Variants in CDH13 observed in about 807,000 individuals in gnomAD.
CDH13 encodes the protein cadherin-13.
A neutral mutation model predicts 63.8 loss-of-function variants in CDH13; 24 were observed. That is an observed-to-expected ratio of 0.38 (90% CI 0.27 to 0.53). The LOEUF is 0.53. Ranked by LOEUF, CDH13 falls within the 20% of genes least tolerant of loss-of-function variation. The pLI, the probability that CDH13 is intolerant of heterozygous loss-of-function variation, is 0.85. For synonymous variants in CDH13, 503 were observed against 355.3 expected (o/e 1.42, Z -4.67); for missense variants, 1,049 against 903.1 (o/e 1.16, Z -2.07).
chr16:83,563,477 T>A (rs4238698), intron 7 of CDH13, among the ~76,000 whole-genome samples: 152,234 of 152,360 alleles, frequency 1, 76,054 homozygotes, highest in Non-Finnish European at 1. Flanking sequence ...TGCATTAATT[T>A]GGTTTGAGAT....
intron 10 of CDH13, among the ~76,000 whole-genome samples, chr16:83,682,804 A>C (rs567145548): frequency 3.3e-5 from 5 of 152,152 alleles, no homozygotes; most frequent in Admixed American, 2.6e-4. Context: ...GGCCCTCGAA[A>C]CTAAAAGCCC....
At chr16:83,078,800 T>C (rs996956644) in intron 3 of CDH13, among the ~76,000 whole-genome samples, 1 of 152,188 alleles carries the variant, frequency 6.6e-6, no homozygotes, top group African/African-American at 2.4e-5. Flanking sequence ...TTTGGTTTTT[T>C]GGTTTTTTTT....
At chr16:83,234,777 T>A (rs185369416) in intron 5 of CDH13, among the ~76,000 whole-genome samples, 1 of 152,346 alleles carries the variant, frequency 6.6e-6, no homozygotes, top group East Asian at 1.9e-4. Flanking sequence ...CCACTTTGCA[T>A]GTGGAGAAAC....
chr16:82,690,827 G>A (rs1915574293), intron 1 of CDH13, among the ~76,000 whole-genome samples: 1 of 152,214 alleles, frequency 6.6e-6, no homozygotes, highest in African/African-American at 2.4e-5. Flanking sequence ...ACGCAGCCTG[G>A]CCTCGGCTGA....
rs148394674 is a variant in CDH13, at chr16:83,300,193, C to G, written c.637-44669C>G. ...AGGATATGCTCATAGAGCTGATAGA[C>G]AGTGATAAAACCTCAGCAACTGACC... On this transcript the variant is annotated intron_variant, in intron 5 of 13. Transcript: ENST00000567109. Among the ~76,000 whole-genome samples, 476 of 152,288 alleles carry G rather than the reference C, an allele frequency of 3.1e-3. 2 individuals carry two copies. The highest frequency in any genetic ancestry group is 0.011 in the African/African-American group (450 of 41,554).
At chr16:83,202,297 G>A (rs1385605133) in intron 4 of CDH13, among the ~76,000 whole-genome samples, 1 of 152,190 alleles carries the variant, frequency 6.6e-6, no homozygotes, top group Non-Finnish European at 1.5e-5. Flanking sequence ...TGCAAAATAG[G>A]ATGAGGGGAT....
chr16:82,905,320 T>C (rs1157039529), intron 2 of CDH13, among the ~76,000 whole-genome samples: 1 of 152,226 alleles, frequency 6.6e-6, no homozygotes, highest in Non-Finnish European at 1.5e-5. Flanking sequence ...ACAAGATATT[T>C]ATGAGTAAAA....
chr16:83,665,101 C>A (rs9940706), intron 8 of CDH13, among the ~76,000 whole-genome samples: 23,993 of 152,044 alleles, frequency 0.16, 2,119 homozygotes, highest in East Asian at 0.25. Flanking sequence ...GGATTGACAT[C>A]ATTTGCCTCA....
At chr16:82,971,051 C>T (rs536761197) in intron 2 of CDH13, among the ~76,000 whole-genome samples, 1 of 152,302 alleles carries the variant, frequency 6.6e-6, no homozygotes, top group South Asian at 2.1e-4. Flanking sequence ...CATTCTGGGG[C>T]ATACTGGCCT....
intron 10 of CDH13, among the ~76,000 whole-genome samples, chr16:83,736,111 A>C (rs1485459339): frequency 1.3e-5 from 2 of 152,218 alleles, no homozygotes; most frequent in Non-Finnish European, 2.9e-5. Flanking sequence ...TGGATGTAGC[A>C]AATTTAACCT....
At chr16:83,656,419 G>A (rs1334251047) in intron 8 of CDH13, among the ~76,000 whole-genome samples, 3 of 152,138 alleles carry the variant, frequency 2.0e-5, no homozygotes, top group African/African-American at 7.2e-5. Flanking sequence ...GCAGATGCTG[G>A]CTGTGACTTG....
intron 1 of CDH13, among the ~76,000 whole-genome samples, chr16:82,754,645 T>C (rs1349629618): frequency 1.3e-5 from 2 of 152,208 alleles, no homozygotes; most frequent in African/African-American, 4.8e-5. Context: ...ATCAATATTA[T>C]AGTTTTATTT....
At chr16:83,008,693 C>T (rs891737197) in intron 2 of CDH13, among the ~76,000 whole-genome samples, 8 of 152,118 alleles carry the variant, frequency 5.3e-5, no homozygotes, top group South Asian at 2.1e-4. Flanking sequence ...AGCTTACCAC[C>T]GTAACCCAGG....
intron 1 of CDH13, among the ~76,000 whole-genome samples, chr16:82,802,539 A>G (rs1384655391): frequency 6.6e-6 from 1 of 151,438 alleles, no homozygotes; most frequent in Non-Finnish European, 1.5e-5. Context: ...AGCAAAAGGG[A>G]CTCTCCCTGC....
chr16:82,851,675 ACGTGTGTG>A (rs1318666214), intron 1 of CDH13, among the ~76,000 whole-genome samples: 3 of 86,916 alleles, frequency 3.5e-5, no homozygotes, highest in Non-Finnish European at 5.3e-5. Context: ...ACATGTGTGT[ACGTGTGTG>A]TGTGTGTGTG....
intron 8 of CDH13, among the ~76,000 whole-genome samples, chr16:83,650,718 A>T (rs1285161830): frequency 6.6e-6 from 1 of 152,134 alleles, no homozygotes. Flanking sequence ...CCAGAATGTC[A>T]TTAGTGGCGA....
chr16:83,419,891 T>G (rs1446650051), intron 6 of CDH13, among the ~76,000 whole-genome samples: 3 of 150,836 alleles, frequency 2.0e-5, no homozygotes, highest in African/African-American at 4.9e-5. Context: ...TAACAGGAAT[T>G]TCTTTTCTCT....
chr16:83,139,295 T>A (rs1191579433), intron 4 of CDH13, among the ~76,000 whole-genome samples: 2 of 152,230 alleles, frequency 1.3e-5, no homozygotes, highest in Non-Finnish European at 2.9e-5. Context: ...CATCCATGCC[T>A]AGGGATTTTA....
At chr16:83,465,423 G>A (rs1326445204) in intron 6 of CDH13, among the ~76,000 whole-genome samples, 1 of 152,178 alleles carries the variant, frequency 6.6e-6, no homozygotes, top group Non-Finnish European at 1.5e-5. Flanking sequence ...TAGCTCTTTT[G>A]AAGCACTCTG....
Sources: allele counts gnomAD v4.1 joint callset (sites outside exome capture counted in the v4.1 genomes callset), GRCh38; gene constraint gnomAD v4.1.1; transcripts MANE v1.5; gene names NCBI Gene and HGNC (gene_info 2026-07-23, HGNC 2026-07-21).